Variants in ZNF462 observed in about 807,000 individuals in gnomAD.
ZNF462 encodes zinc finger protein 462.
Under a neutral mutation model 201.9 loss-of-function variants are expected in ZNF462, and 10 were observed. The observed-to-expected ratio is 0.05, with a 90% CI of 0.03 to 0.08. The LOEUF is 0.08. Ranked by LOEUF, ZNF462 falls within the 10% of genes least tolerant of loss-of-function variation. The probability of loss-of-function intolerance (pLI) is 1.00; values close to 1 mark genes in which losing one functional copy is unlikely to be tolerated. For synonymous variants in ZNF462, 1,227 were observed against 1,193.3 expected (o/e 1.03, Z -0.58); for missense variants, 2,523 against 3,168.3 (o/e 0.80, Z 4.89).
rs763111316 is a variant in ZNF462 at position 106,924,172 on chromosome 9, G to A, written c.260G>A (p.Gly87Asp). 4.0e-5 allele frequency: 65 copies of A among 1,611,164 alleles called. No homozygotes were observed. The highest frequency in any genetic ancestry group is 5.3e-5 in the Non-Finnish European group (62 of 1,179,366). ...TCATTGGGGACCGGAGGTTACTATGGCCACAGTCCAGGATATTATGGTCAG... is the reference window on the plus strand; with the variant it reads ...TCATTGGGGACCGGAGGTTACTATGACCACAGTCCAGGATATTATGGTCAG... ...ATSLGTGGYYGHSPGYYGQHI... is the reference protein window; with the variant it reads ...ATSLGTGGYYDHSPGYYGQHI... Residue 87 changes from glycine to aspartate, a missense_variant, in exon 3 of 13, where the codon GGC (glycine) becomes GAC (aspartate). Transcript: ENST00000277225. This position sits in a 1 kb window ranked among gnomAD's most constrained non-coding sequence, Gnocchi z 6.2.
At position 106,927,433 on chromosome 9, in the gene ZNF462, A is replaced by G. The variant is rs1334579795; in HGVS notation, c.3521A>G (p.Gln1174Arg). The G allele has an allele frequency of 6.2e-7, 1 of 1,613,144 alleles. No homozygotes were observed. Among genetic ancestry groups the G allele is most frequent in the Non-Finnish European group, 8.5e-7 (1 of 1,179,822 alleles). Residue 1174 changes from glutamine (Q) to arginine (R), a missense_variant, in exon 3 of 13, where the codon CAA (glutamine) becomes CGA (arginine). This residue lies in a region of ZNF462 where 222 missense variants were observed against 271.6 expected (regional missense o/e 0.82). Coordinates refer to ENST00000277225, the MANE Select transcript of ZNF462 (RefSeq NM_021224.6). ...QGSPRPPAPI[Q>R]QLNRSSSERD... ...TCCCCCCGGCCACCCGCCCCCATAC[A>G]ACAGCTGAACCGAAGCAGCTCTGAG...
intron 10 of ZNF462, among the ~76,000 whole-genome samples, chr9:106,985,816 C>G (rs958147878): frequency 2.7e-4 from 41 of 152,304 alleles, no homozygotes; most frequent in African/African-American, 9.9e-4. Flanking sequence ...GCTTTGTCAC[C>G]TGTCCACAAT....
chr9:106,913,566 A>C lies in ZNF462; in HGVS notation c.-30-9788A>C, dbSNP rs529658930. Among the ~76,000 whole-genome samples, 1 of 152,092 alleles carries C rather than the reference A, an allele frequency of 6.6e-6. No individual in the cohort carries two copies. Among genetic ancestry groups the C allele is most frequent in the African/African-American group, 2.4e-5 (1 of 41,382 alleles). On this transcript the variant is annotated intron_variant, in intron 1 of 12. Transcript: ENST00000277225. This position sits in a 1 kb window ranked among gnomAD's most constrained non-coding sequence, Gnocchi z 4.1. ...GAGGAGAACATATGCATTGTTTTTC[A>C]CAGAAATTTTAGTCAGAGGTCACAT...
intron 10 of ZNF462, among the ~76,000 whole-genome samples, chr9:106,994,138 G>C (rs910666455): frequency 1.3e-5 from 2 of 152,058 alleles, no homozygotes; most frequent in Non-Finnish European, 2.9e-5. Flanking sequence ...AATTTAGAAG[G>C]ATAGTCTATT....
At position 106,925,719 on chromosome 9, in the gene ZNF462, A is replaced by C; in HGVS notation, c.1807A>C (p.Thr603Pro). ...CGCACCTCTGCACCCATACAAATGCACCATGTGTAATTACTCCACCACAAC... is the reference window on the plus strand; with the variant it reads ...CGCACCTCTGCACCCATACAAATGCCCCATGTGTAATTACTCCACCACAAC... ...QAAPLHPYKCTMCNYSTTTLK... is the reference protein window; with the variant it reads ...QAAPLHPYKCPMCNYSTTTLK... The change falls in exon 3 of 13, where the codon ACC (threonine) becomes CCC (proline). Residue 603 changes from threonine to proline, a missense_variant. Physicochemically the swap from Thr to Pro is conservative, Grantham distance 38. This residue lies in a region of ZNF462 where 383 missense variants were observed against 453.4 expected (regional missense o/e 0.84). Coordinates refer to ENST00000277225, the MANE Select transcript of ZNF462 (RefSeq NM_021224.6). This position sits in a 1 kb window ranked among gnomAD's most constrained non-coding sequence, Gnocchi z 7.9. 1.2e-6 allele frequency: 2 copies of C among 1,614,126 alleles called. No individual in the cohort carries two copies. The highest frequency in any genetic ancestry group is 1.7e-6 in the Non-Finnish European group (2 of 1,180,014).
In ZNF462 at chr9:106,924,276, C is replaced by T. The variant is rs749960726; in HGVS notation, c.364C>T (p.Leu122Phe). The change falls in exon 3 of 13, where the codon CTC (leucine) becomes TTC (phenylalanine). Residue 122 changes from leucine (L) to phenylalanine (F), a missense_variant. Leu to Phe is a conservative substitution (Grantham distance 22, BLOSUM62 0). Coordinates refer to ENST00000277225, the MANE Select transcript of ZNF462 (RefSeq NM_021224.6). This position sits in a 1 kb window ranked among gnomAD's most constrained non-coding sequence, Gnocchi z 6.2. ...FCVRYFRSKN[L>F]LIEHTRKVHG... ...TGTACGCTACTTCAGGTCAAAAAAC[C>T]TCCTCATAGAACACACTAGAAAGGT... is the stretch of plus-strand genomic sequence containing the variant. 22 of 1,613,952 alleles carry T rather than the reference C, an allele frequency of 1.4e-5. No homozygotes were observed. In the South Asian group the frequency reaches 2.2e-4, roughly 16 times the overall value.
intron 1 of ZNF462, among the ~76,000 whole-genome samples, chr9:106,884,390 C>T (rs1309227754): frequency 6.6e-6 from 1 of 152,140 alleles, no homozygotes; most frequent in East Asian, 1.9e-4. Context: ...AGGCTTTCGT[C>T]TTTTCTTCTC....
Position 106,876,773 on chromosome 9 carries a change from T to C in ZNF462, c.-31+13418T>C, listed in dbSNP as rs1827847353. ...AAGAAAGATGTTATTACTGTTCCTA[T>C]TGTTTGGCATCATTCTGGCAAAAAT... On this transcript the variant is annotated intron_variant, in intron 1 of 12. Coordinates refer to ENST00000277225, the MANE Select transcript of ZNF462 (RefSeq NM_021224.6). This position sits in a 1 kb window ranked among gnomAD's most constrained non-coding sequence, Gnocchi z 4.9. Among the ~76,000 whole-genome samples, 1 of 152,202 alleles carries C rather than the reference T, an allele frequency of 6.6e-6. No individual in the cohort carries two copies.
At chr9:107,000,240 G>A (rs1387342382) in intron 10 of ZNF462, among the ~76,000 whole-genome samples, 1 of 151,912 alleles carries the variant, frequency 6.6e-6, no homozygotes, top group Non-Finnish European at 1.5e-5. Flanking sequence ...GAGAAGATGG[G>A]CCAGAATAAC....
At position 106,950,219 on chromosome 9, in the gene ZNF462, A is replaced by C. The variant is rs1339685404; in HGVS notation, c.6427+11112A>C. On this transcript the variant is annotated intron_variant, in intron 7 of 12. Coordinates refer to ENST00000277225, the MANE Select transcript of ZNF462 (RefSeq NM_021224.6). This position sits in a 1 kb window ranked among gnomAD's most constrained non-coding sequence, Gnocchi z 4.1. ...ATCACAAATCAAATTTACTTTTCAA[A>C]ATAAATTTGAGCTGAGTCAGACTTA... Among the ~76,000 whole-genome samples the C allele has an allele frequency of 6.6e-6, 1 of 152,188 alleles. No homozygotes were observed. Among genetic ancestry groups the C allele is most frequent in the Non-Finnish European group, 1.5e-5 (1 of 68,038 alleles).
intron 10 of ZNF462, among the ~76,000 whole-genome samples, chr9:106,997,872 C>CA (rs910311384): frequency 1.3e-5 from 2 of 151,940 alleles, no homozygotes; most frequent in Non-Finnish European, 2.9e-5. Flanking sequence ...GAAAAAGTAT[C>CA]AAAAAAATTG....
intron 10 of ZNF462, among the ~76,000 whole-genome samples, chr9:106,992,484 C>T (rs1828364513): frequency 6.6e-6 from 1 of 152,042 alleles, no homozygotes; most frequent in African/African-American, 2.4e-5. Context: ...ATCCTACCTT[C>T]ACATAAAATG....
In ZNF462 at chr9:106,923,590, A is replaced by G. The variant is rs777372193; in HGVS notation, c.207A>G (p.Ala69=). The G allele has an allele frequency of 3.7e-6, 6 of 1,614,230 alleles. No homozygotes were observed. In the South Asian group the frequency reaches 6.6e-5, roughly 18 times the overall value. The stretch of plus-strand genomic sequence containing the variant: ...CTATAAAGGATGAATTTGCCATTGC[A>G]GAAGATTTATCAGGTAAATCTATAC... ...FSSIKDEFAI[A]EDLSGQNATS... Residue 69 remains alanine (A), a synonymous_variant, in exon 2 of 13, where the codon GCA becomes GCG. Transcript: ENST00000277225. The surrounding 1 kb of genome is among the most constrained non-coding windows in gnomAD (Gnocchi z 5.6).
intron 1 of ZNF462, among the ~76,000 whole-genome samples, chr9:106,901,691 G>T (rs917702366): frequency 1.3e-5 from 2 of 152,060 alleles, no homozygotes; most frequent in African/African-American, 4.8e-5. Context: ...TTGTAAAAGG[G>T]GTTGAGTTCT....
chr9:106,935,132 T>TTGATAGG lies in ZNF462; in HGVS notation c.6117-370_6117-364dup, dbSNP rs1830578705. ...TTATTTGAATAAGTTAGAGGACTAA[T>TTGATAGG]TGATAGGCACTCTCACTGGCTTGGC... On this transcript the variant is annotated intron_variant, in intron 5 of 12. Coordinates refer to ENST00000277225, the MANE Select transcript of ZNF462 (RefSeq NM_021224.6). The surrounding 1 kb of genome is among the most constrained non-coding windows in gnomAD (Gnocchi z 4.1). 6.6e-6 allele frequency among the ~76,000 whole-genome samples: 1 copy of TTGATAGG among 152,232 alleles called. No homozygotes were observed. Among genetic ancestry groups the TTGATAGG allele is most frequent in the Non-Finnish European group, 1.5e-5 (1 of 68,046 alleles).
At chr9:106,873,296 T>C (rs1434592164) in intron 1 of ZNF462, among the ~76,000 whole-genome samples, 1 of 151,856 alleles carries the variant, frequency 6.6e-6, no homozygotes, top group Non-Finnish European at 1.5e-5. Flanking sequence ...GAGGAGATGA[T>C]AGGGAAAAAA....
intron 1 of ZNF462, among the ~76,000 whole-genome samples, chr9:106,881,496 G>T (rs1210007015): frequency 6.6e-6 from 1 of 152,168 alleles, no homozygotes; most frequent in Admixed American, 6.5e-5. Flanking sequence ...AGGAATAAAG[G>T]AAATCATGAA....
intron 10 of ZNF462, among the ~76,000 whole-genome samples, chr9:106,986,647 T>C (rs1406381870): frequency 2.0e-5 from 3 of 152,196 alleles, no homozygotes; most frequent in Admixed American, 2.0e-4. Flanking sequence ...AGTATTGCGA[T>C]ACAAGTGGCA....
chr9:106,946,417 G>C (rs910787464), intron 7 of ZNF462, among the ~76,000 whole-genome samples: 2 of 152,146 alleles, frequency 1.3e-5, no homozygotes, highest in African/African-American at 4.8e-5. Context: ...TGTCCCTGGA[G>C]CTGAAGCTAG....
Sources: gnomAD v4.1 joint callset for allele counts (sites outside exome capture counted in the v4.1 genomes callset) on GRCh38, gnomAD v4.1.1 for gene constraint, gnomAD v4.1.1 regional missense constraint, Gnocchi (gnomAD v3.1) non-coding constraint, MANE v1.5 for transcripts, NCBI Gene and HGNC (gene_info 2026-07-23, HGNC 2026-07-21) for gene names.